CHL1: variants seen among roughly 807,000 people sequenced by gnomAD.
CHL1 encodes the protein neural cell adhesion molecule L1-like protein.
In CHL1, 96 loss-of-function variants were observed where a neutral mutation model predicts 141.9. The observed-to-expected ratio is 0.68, with a 90% confidence interval of 0.57 to 0.80. The LOEUF is 0.80. Among genes scored for constraint, CHL1 ranks in the 30% least tolerant of loss-of-function variants. The pLI is 0.00. For missense variants in CHL1, 1,820 were observed against 1,457.2 expected (o/e 1.25, Z -4.05); for synonymous variants, 613 against 502.2 (o/e 1.22, Z -2.95).
chr3:245,533 C>G (rs567808665), intron 2 of CHL1, among the ~76,000 whole-genome samples: 1 of 151,984 alleles, frequency 6.6e-6, no homozygotes, highest in Non-Finnish European at 1.5e-5. Flanking sequence ...AAAACAAAAA[C>G]GAGTAATTTT....
At chr3:297,152 G>A (rs941274413) in intron 2 of CHL1, among the ~76,000 whole-genome samples, 1 of 152,092 alleles carries the variant, frequency 6.6e-6, no homozygotes, top group African/African-American at 2.4e-5. Context: ...CTTGAGTCGG[G>A]GAGATGGAGG....
chr3:211,568 T>G (rs144600947), intron 1 of CHL1, among the ~76,000 whole-genome samples: 11 of 152,188 alleles, frequency 7.2e-5, no homozygotes, highest in Non-Finnish European at 1.3e-4. Flanking sequence ...GGCTTAGCCA[T>G]TTTTCTCTCC....
intron 1 of CHL1, among the ~76,000 whole-genome samples, chr3:241,068 T>C (rs1692514807): frequency 1.3e-5 from 2 of 152,198 alleles, no homozygotes; most frequent in South Asian, 4.1e-4. Context: ...AACTAATATA[T>C]GCCCTTATGG....
rs377405336 is a variant in CHL1 at position 373,986 on chromosome 3, C to A, written c.1752-3832C>A. 3.9e-5 allele frequency: 6 copies of A among 152,194 alleles called. 1 individual carries two copies. The East Asian group carries it at 7.8e-4, about 20-fold the overall frequency. The allele number at this position is 152,194 out of a possible 1,614,324, so 9.4% of individuals were successfully genotyped here. A position where few individuals can be genotyped will look rare whatever the true frequency, so the allele number is the denominator to read the frequency against. On this transcript the variant is annotated intron_variant, in intron 15 of 27. Coordinates refer to ENST00000256509, the MANE Select transcript of CHL1 (RefSeq NM_006614.4). Reference sequence around the variant, plus strand: ...TGCCAGGGAAGGATTCACACACTTACTATAGTTCTTTTCCATGGGAGCCTC... The same window carrying A: ...TGCCAGGGAAGGATTCACACACTTAATATAGTTCTTTTCCATGGGAGCCTC...
intron 15 of CHL1, among the ~76,000 whole-genome samples, chr3:366,974 A>C (rs969539838): frequency 3.3e-5 from 5 of 152,222 alleles, no homozygotes; most frequent in African/African-American, 1.2e-4. Flanking sequence ...AACCTAAATC[A>C]TATCTGGGAT....
intron 6 of CHL1, 72 bp downstream of exon 6, chr3:340,988 A>G: frequency 6.3e-6 from 9 of 1,433,554 alleles, no homozygotes; most frequent in South Asian, 1.3e-5. Context: ...AACATAATGA[A>G]TCCAAAGACA....
At chr3:297,051 G>C (rs1698251347) in intron 2 of CHL1, among the ~76,000 whole-genome samples, 1 of 151,982 alleles carries the variant, frequency 6.6e-6, no homozygotes, top group Admixed American at 6.6e-5. Flanking sequence ...ATTAGTTAGA[G>C]GATGGGGAGA....
intron 24 of CHL1, among the ~76,000 whole-genome samples, chr3:397,655 A>T (rs1317167628): frequency 6.6e-6 from 1 of 152,134 alleles, no homozygotes; most frequent in Non-Finnish European, 1.5e-5. Context: ...TTTGAAAAGT[A>T]TTAACTTCTC....
intron 14 of CHL1, among the ~76,000 whole-genome samples, chr3:364,376 G>T (rs1251666948): frequency 6.6e-6 from 1 of 152,140 alleles, no homozygotes; most frequent in Non-Finnish European, 1.5e-5. Flanking sequence ...AGTCACTGAA[G>T]ATGGTGATGA....
intron 2 of CHL1, 123 bp downstream of exon 2, chr3:244,815 C>G: frequency 6.6e-6 from 1 of 152,168 alleles, no homozygotes; most frequent in East Asian, 1.9e-4. Flanking sequence ...TTTGTCTTCA[C>G]TACGGTCTTA....
At chr3:386,760 A>G (rs1335488747) in intron 19 of CHL1, among the ~76,000 whole-genome samples, 1 of 152,176 alleles carries the variant, frequency 6.6e-6, no homozygotes, top group South Asian at 2.1e-4. Flanking sequence ...ATTATTTATA[A>G]TACAAGTATA....
intron 2 of CHL1, among the ~76,000 whole-genome samples, chr3:284,278 A>T (rs1174491928): frequency 6.6e-6 from 1 of 152,224 alleles, no homozygotes; most frequent in Non-Finnish European, 1.5e-5. Context: ...AAGGTGAGAA[A>T]TGAATAATAA....
At chr3:328,881 G>A (rs1701218983) in intron 5 of CHL1, among the ~76,000 whole-genome samples, 1 of 152,128 alleles carries the variant, frequency 6.6e-6, no homozygotes, top group African/African-American at 2.4e-5. Context: ...CTTCTGACAA[G>A]AAGTTATGCA....
chr3:199,409 T>C (rs1321380511), intron 1 of CHL1, among the ~76,000 whole-genome samples: 1 of 152,224 alleles, frequency 6.6e-6, no homozygotes. Context: ...ACGGATCCTT[T>C]TCTTCAAAGA....
At position 359,457 on chromosome 3, in the gene CHL1, C is replaced by T. The variant is rs138658441; in HGVS notation, c.1166-827C>T. Among the ~76,000 whole-genome samples, 856 of 152,142 alleles carry T rather than the reference C, an allele frequency of 5.6e-3. 9 individuals are homozygous for T. The highest frequency in any genetic ancestry group is 0.02 in the African/African-American group (822 of 41,492). Reference sequence around the variant, plus strand: ...AGCTGGGGTTACAGGAGTGCACCACCACACCTGGCTGATTTTTGTATTTTT... The same window carrying T: ...AGCTGGGGTTACAGGAGTGCACCACTACACCTGGCTGATTTTTGTATTTTT... On this transcript the variant is annotated intron_variant, in intron 11 of 27. Coordinates refer to ENST00000256509, the MANE Select transcript of CHL1 (RefSeq NM_006614.4).
chr3:259,779 C>G (rs1311039731), intron 2 of CHL1, among the ~76,000 whole-genome samples: 1 of 152,132 alleles, frequency 6.6e-6, no homozygotes, highest in Non-Finnish European at 1.5e-5. Flanking sequence ...AAGTAAAAGG[C>G]TAACTTGGGA....
rs114238053 is a variant in CHL1 at position 314,017 on chromosome 3, A to G, written c.-94-5666A>G. On this transcript the variant is annotated intron_variant, in intron 2 of 27. Coordinates refer to ENST00000256509, the MANE Select transcript of CHL1 (RefSeq NM_006614.4). ...ACACTGATGTTTAAAGAAACCCCACATTTTCTCATCTTGTTCCAATAGAAG... is the reference window on the plus strand; with the variant it reads ...ACACTGATGTTTAAAGAAACCCCACGTTTTCTCATCTTGTTCCAATAGAAG... Among the ~76,000 whole-genome samples the G allele has an allele frequency of 3.7e-4, 56 of 152,204 alleles. 1 individual carries two copies. Among genetic ancestry groups the G allele is most frequent in the African/African-American group, 1.1e-3 (45 of 41,544 alleles).
Position 377,808 on chromosome 3 carries a change from T to C in CHL1, c.1752-10T>C. ...TCCTTCTCATCATGTACTCACTTTT[T>C]TTCTGATAGGATAATTATTGATGGA... On this transcript the variant is annotated splice_polypyrimidine_tract_variant and intron_variant, in intron 15 of 27. Transcript: ENST00000256509. The C allele has an allele frequency of 6.3e-7, 1 of 1,598,062 alleles. No homozygotes were observed. Among genetic ancestry groups the C allele is most frequent in the Non-Finnish European group, 8.5e-7 (1 of 1,170,550 alleles).
chr3:203,505 G>T (rs899323750), intron 1 of CHL1, among the ~76,000 whole-genome samples: 1 of 152,208 alleles, frequency 6.6e-6, no homozygotes, highest in Non-Finnish European at 1.5e-5. Flanking sequence ...CTACTCCAAA[G>T]AGGTAATTAA....
Sources: allele counts gnomAD v4.1 joint callset (sites outside exome capture counted in the v4.1 genomes callset), GRCh38; gene constraint gnomAD v4.1.1; transcripts MANE v1.5; gene names NCBI Gene and HGNC (gene_info 2026-07-23, HGNC 2026-07-21).